The following GARIN5A variants were observed in gnomAD, a reference collection of about 807,000 sequenced individuals.
GARIN5A encodes golgi associated RAB2 interactor 5A.
the GARIN5A span, among the ~76,000 whole-genome samples, chr19:50,471,956 A>ATGTGTG: frequency 0.019 from 2,594 of 139,210 alleles, 107 homozygotes; most frequent in African/African-American, 0.063. Context: ...ATATACATGT[A>ATGTGTG]TGTATGTATA....
At chr19:50,472,253 A>G in the GARIN5A span, among the ~76,000 whole-genome samples, 3,180 of 101,830 alleles carry the variant, frequency 0.031, 129 homozygotes, top group African/African-American at 0.12. Context: ...TTATATATAC[A>G]TGTATGTGTG....
At chr19:50,471,962 G>C in the GARIN5A span, among the ~76,000 whole-genome samples, 1 of 150,272 alleles carries the variant, frequency 6.7e-6, no homozygotes, top group South Asian at 2.1e-4. Context: ...ATGTATGTAT[G>C]TATATATACA....
the GARIN5A span, chr19:50,476,551 G>T: frequency 6.4e-7 from 1 of 1,572,738 alleles, no homozygotes; most frequent in South Asian, 1.1e-5. Flanking sequence ...CGAGATGGCG[G>T]CAGCCAGCGC....
At chr19:50,475,326 C>T in the GARIN5A span, 4 of 1,586,204 alleles carry the variant, frequency 2.5e-6, no homozygotes, top group Non-Finnish European at 3.4e-6. Flanking sequence ...GGCAGTTACC[C>T]GAAGAGTTGC....
the GARIN5A span, among the ~76,000 whole-genome samples, chr19:50,471,219 C>A: frequency 6.6e-6 from 1 of 152,120 alleles, no homozygotes; most frequent in African/African-American, 2.4e-5. Context: ...CCCACCTTGG[C>A]CTCCCAAATG....
the GARIN5A span, among the ~76,000 whole-genome samples, chr19:50,474,572 C>T: frequency 6.6e-6 from 1 of 152,052 alleles, no homozygotes; most frequent in Non-Finnish European, 1.5e-5. Context: ...GTCTCGTTCT[C>T]TTGACCTCGT....
chr19:50,471,460 G>C, the GARIN5A span, among the ~76,000 whole-genome samples: 1 of 151,646 alleles, frequency 6.6e-6, no homozygotes, highest in African/African-American at 2.4e-5. Context: ...GTAGAGATAG[G>C]GTCTCACCAT....
At chr19:50,475,190 G>A in the GARIN5A span, 28 of 1,314,392 alleles carry the variant, frequency 2.1e-5, no homozygotes, top group African/African-American at 3.9e-4. Context: ...CCGGGTAGAT[G>A]GCAGCTCAGG....
chr19:50,471,892 G>A, the GARIN5A span, among the ~76,000 whole-genome samples: 6,729 of 151,028 alleles, frequency 0.045, 225 homozygotes, highest in Middle Eastern at 0.068. Context: ...GTGTGTATAT[G>A]TATGCATACA....
At chr19:50,468,601 C>T in the GARIN5A span, among the ~76,000 whole-genome samples, 1 of 151,862 alleles carries the variant, frequency 6.6e-6, no homozygotes, top group African/African-American at 2.4e-5. Context: ...GGTGGCTCCA[C>T]TATTTTTTGT....
the GARIN5A span, among the ~76,000 whole-genome samples, chr19:50,471,318 G>C: frequency 1.3e-5 from 2 of 151,964 alleles, no homozygotes; most frequent in East Asian, 3.9e-4. Context: ...CACCCAGGCT[G>C]GAGTGCAGTG....
the GARIN5A span, among the ~76,000 whole-genome samples, chr19:50,471,412 G>A: frequency 2.0e-5 from 3 of 152,050 alleles, no homozygotes; most frequent in African/African-American, 7.3e-5. Context: ...GGGACTACAG[G>A]CGCCCATCAT....
At chr19:50,473,208 G>A in the GARIN5A span, among the ~76,000 whole-genome samples, 3 of 152,158 alleles carry the variant, frequency 2.0e-5, no homozygotes, top group Non-Finnish European at 4.4e-5. Context: ...CAATCTTTTG[G>A]ATTTCAGAAA....
the GARIN5A span, chr19:50,475,449 G>A: frequency 1.9e-6 from 3 of 1,604,610 alleles, no homozygotes; most frequent in East Asian, 4.5e-5. Flanking sequence ...TCTCCCAACC[G>A]AGTCACCTGG....
the GARIN5A span, among the ~76,000 whole-genome samples, chr19:50,472,272 T>C: frequency 2.0e-5 from 2 of 98,578 alleles, no homozygotes; most frequent in Non-Finnish European, 3.5e-5. Flanking sequence ...TGTATATATG[T>C]ATATATACAT....
At chr19:50,471,055 G>C in the GARIN5A span, among the ~76,000 whole-genome samples, 1 of 151,716 alleles carries the variant, frequency 6.6e-6, no homozygotes, top group Admixed American at 6.6e-5. Context: ...GCCTGGACCT[G>C]CTGGGCTCAA....
At chr19:50,474,051 G>A in the GARIN5A span, among the ~76,000 whole-genome samples, 1 of 152,234 alleles carries the variant, frequency 6.6e-6, no homozygotes, top group South Asian at 2.1e-4. Flanking sequence ...ACATTTCAGT[G>A]TTTGTAGCTG....
At chr19:50,467,487 GA>G in the GARIN5A span, 1 of 1,026,234 alleles carries the variant, frequency 9.7e-7, no homozygotes, top group Non-Finnish European at 1.4e-6. Flanking sequence ...TCCTCTCTTA[GA>G]CCTGGGAGTC....
At chr19:50,476,155 G>T in the GARIN5A span, 2 of 1,613,442 alleles carry the variant, frequency 1.2e-6, no homozygotes, top group Non-Finnish European at 1.7e-6. Context: ...GTTCCACCTC[G>T]CCAGCTCCAC....
Sources: allele counts gnomAD v4.1 joint callset (sites outside exome capture counted in the v4.1 genomes callset), GRCh38; gene constraint gnomAD v4.1.1; transcripts MANE v1.5; gene names NCBI Gene and HGNC (gene_info 2026-07-23, HGNC 2026-07-21).